Variants in CNTNAP3 observed in about 807,000 individuals in gnomAD.
The protein encoded by CNTNAP3 is contactin-associated protein-like 3.
A neutral mutation model predicts 92.1 loss-of-function variants in CNTNAP3; 36 were observed. The observed-to-expected ratio is 0.39, with a 90% confidence interval of 0.30 to 0.52. The LOEUF is 0.52. Among genes scored for constraint, CNTNAP3 ranks in the 20% least tolerant of loss-of-function variants. The probability of loss-of-function intolerance (pLI) is 0.76; values close to 1 mark genes in which losing one functional copy is unlikely to be tolerated. For synonymous variants in CNTNAP3, 232 were observed against 422.3 expected, an observed-to-expected ratio of 0.55 and a Z score of 5.53; for missense variants, 534 against 1,069.6, an observed-to-expected ratio of 0.50 and a Z score of 6.98.
rs572858203 is a variant in CNTNAP3 at position 39,101,501 on chromosome 9, A to T, written c.2755+996T>A. 1.1e-4 allele frequency among the ~76,000 whole-genome samples: 16 copies of T among 140,870 alleles called. 4 individuals are homozygous for T. In the East Asian group the frequency reaches 3.5e-3, roughly 31 times the overall value. 92.4% of individuals were successfully genotyped at this position (140,870 alleles called of 152,430 possible). ...CAGTGATAAAACAGTAAGTAAGCAAACTAAAGGAAAGACTTCCAGAGCTAT... is the reference window on the plus strand; with the variant it reads ...CAGTGATAAAACAGTAAGTAAGCAATCTAAAGGAAAGACTTCCAGAGCTAT... On this transcript the variant is annotated intron_variant, in intron 17 of 23. Coordinates refer to ENST00000297668, the MANE Select transcript of CNTNAP3 (RefSeq NM_033655.5).
At chr9:39,099,067 C>T (rs1328320301) in intron 18 of CNTNAP3, among the ~76,000 whole-genome samples, 8 of 151,684 alleles carry the variant, frequency 5.3e-5, no homozygotes, top group Admixed American at 1.3e-4. Context: ...CTCTGCCTCC[C>T]GGGTTCAAGC....
Position 39,095,962 on chromosome 9 carries a change from T to C in CNTNAP3, c.2995+3949A>G, listed in dbSNP as rs998623100. Among the ~76,000 whole-genome samples, 41 of 151,870 alleles carry C rather than the reference T, an allele frequency of 2.7e-4. 1 individual carries two copies. Among genetic ancestry groups the C allele is most frequent in the African/African-American group, 8.9e-4 (37 of 41,536 alleles). ...ATCAAGTAAATATTTATAGACTTTG[T>C]CTATAAACTCTCTTATTTACCATTT... is the stretch of plus-strand genomic sequence containing the variant. On this transcript the variant is annotated intron_variant, in intron 18 of 23. Transcript: ENST00000297668.
At chr9:39,150,908 T>C (rs1270449754) in intron 9 of CNTNAP3, among the ~76,000 whole-genome samples, 1 of 140,130 alleles carries the variant, frequency 7.1e-6, no homozygotes, top group Non-Finnish European at 1.5e-5. Flanking sequence ...GACTTTGACG[T>C]AAGCAGTATT....
At chr9:39,089,165 T>A (rs1440783497) in intron 18 of CNTNAP3, among the ~76,000 whole-genome samples, 1 of 152,140 alleles carries the variant, frequency 6.6e-6, no homozygotes, top group Non-Finnish European at 1.5e-5. Flanking sequence ...ACCTTCTTAT[T>A]CCCTCCTACA....
intron 21 of CNTNAP3, among the ~76,000 whole-genome samples, chr9:39,081,350 A>G (rs1205916665): frequency 6.6e-6 from 1 of 151,918 alleles, no homozygotes; most frequent in Non-Finnish European, 1.5e-5. Context: ...CTCTTAGCTG[A>G]ATAGCTCTAA....
At chr9:39,090,386 C>T (rs2778239) in intron 18 of CNTNAP3, among the ~76,000 whole-genome samples, 6 of 152,038 alleles carry the variant, frequency 3.9e-5, no homozygotes, top group South Asian at 2.1e-4. Flanking sequence ...GTTCTTACAT[C>T]GAGGTCTATT....
At chr9:39,135,427 A>T (rs116465123) in intron 12 of CNTNAP3, among the ~76,000 whole-genome samples, 15,595 of 151,200 alleles carry the variant, frequency 0.1, 968 homozygotes, top group African/African-American at 0.18. Context: ...TGGAAAGGGG[A>T]TCAGAGGTGT....
At chr9:39,148,718 G>C (rs1476291607) in intron 10 of CNTNAP3, among the ~76,000 whole-genome samples, 1 of 152,004 alleles carries the variant, frequency 6.6e-6, no homozygotes, top group Non-Finnish European at 1.5e-5. Flanking sequence ...GTAGAGACGG[G>C]GTTTCACCAT....
chr9:39,112,975 G>A (rs1175086764), intron 14 of CNTNAP3, among the ~76,000 whole-genome samples: 2 of 151,968 alleles, frequency 1.3e-5, no homozygotes, highest in Non-Finnish European at 2.9e-5. Flanking sequence ...TTTGAATTTT[G>A]TTAAAATTAC....
intron 13 of CNTNAP3, 106 bp from the exon 14 acceptor site, chr9:39,118,365 G>T (rs968290873): frequency 3.7e-5 from 54 of 1,447,732 alleles, no homozygotes; most frequent in Non-Finnish European, 4.9e-5. Context: ...GTGAGAGACA[G>T]AGAGAGAGAA....
rs368859189 is a variant in CNTNAP3, at chr9:39,109,335, G to T, written c.2238-48C>A. On this transcript the variant is annotated intron_variant, in intron 14 of 23. Transcript: ENST00000297668. Reference sequence around the variant, plus strand: ...ATTAAAATTATTCTGATTAACATACGGGCAAAATTAACTCTGATCTCTTAT... The same window carrying T: ...ATTAAAATTATTCTGATTAACATACTGGCAAAATTAACTCTGATCTCTTAT... 5.7e-4 allele frequency: 907 copies of T among 1,603,848 alleles called. 7 individuals carry two copies. The African/African-American group carries it at 0.01, about 18-fold the overall frequency.
At chr9:39,150,955 C>T (rs1821829326) in intron 9 of CNTNAP3, among the ~76,000 whole-genome samples, 1 of 146,824 alleles carries the variant, frequency 6.8e-6, no homozygotes, top group Non-Finnish European at 1.5e-5. Flanking sequence ...AAAGTAGTGT[C>T]TTGAACTTAC....
intron 13 of CNTNAP3, among the ~76,000 whole-genome samples, chr9:39,127,205 T>A (rs965699626): frequency 6.6e-6 from 1 of 152,090 alleles, no homozygotes. Flanking sequence ...TTAAAATACT[T>A]AAATGAAAAT....
chr9:39,133,282 T>C, intron 12 of CNTNAP3, 147 bp from the exon 13 acceptor site: 1 of 1,089,456 alleles, frequency 9.2e-7, no homozygotes, highest in Non-Finnish European at 1.3e-6. Flanking sequence ...GTTGGACCTG[T>C]GTAACAATGT....
intron 11 of CNTNAP3, among the ~76,000 whole-genome samples, chr9:39,141,116 T>C (rs2778148): frequency 1.1e-4 from 16 of 152,296 alleles, no homozygotes; most frequent in African/African-American, 3.6e-4. Context: ...TGAAGAGATA[T>C]GAGAGGAAAA....
chr9:39,140,766 T>C (rs2118092393), intron 11 of CNTNAP3, 128 bp from the exon 12 acceptor site: 2 of 1,310,940 alleles, frequency 1.5e-6, no homozygotes, highest in Admixed American at 6.6e-5. Flanking sequence ...TGATAGTGTA[T>C]GACAGTATAT....
At chr9:39,087,702 G>A (rs1383635187) in intron 19 of CNTNAP3, among the ~76,000 whole-genome samples, 2 of 152,090 alleles carry the variant, frequency 1.3e-5, no homozygotes, top group Non-Finnish European at 2.9e-5. Context: ...TAGCCAGGAT[G>A]GTCTCGATTT....
At chr9:39,075,129 A>G (rs1329777384) in intron 23 of CNTNAP3, among the ~76,000 whole-genome samples, 2 of 152,216 alleles carry the variant, frequency 1.3e-5, no homozygotes, top group Admixed American at 6.5e-5. Context: ...ATTACCAAAA[A>G]TATTGCAGGC....
chr9:39,113,248 G>C (rs1354121949), intron 14 of CNTNAP3, among the ~76,000 whole-genome samples: 2 of 152,052 alleles, frequency 1.3e-5, no homozygotes, highest in Non-Finnish European at 2.9e-5. Context: ...AAGATACTGA[G>C]TCATACTATC....
Sources: allele counts gnomAD v4.1 joint callset (sites outside exome capture counted in the v4.1 genomes callset), GRCh38; gene constraint gnomAD v4.1.1; transcripts MANE v1.5; gene names NCBI Gene and HGNC (gene_info 2026-07-23, HGNC 2026-07-21).